The following PLCL1 variants were observed in gnomAD, a reference collection of about 807,000 sequenced individuals.
The protein encoded by PLCL1 is phospholipase C like 1 (inactive).
In PLCL1, 41 loss-of-function variants were observed where a neutral mutation model predicts 84.4. The ratio of observed to expected loss-of-function variants is 0.49; its 90% confidence interval spans 0.38 to 0.63. The LOEUF (loss-of-function observed/expected upper bound fraction) is 0.63. Among genes scored for constraint, PLCL1 ranks in the 30% least tolerant of loss-of-function variants. The pLI is 0.00. For synonymous variants in PLCL1, 490 were observed against 488.3 expected, an observed-to-expected ratio of 1.00 and a Z score of -0.05; for missense variants, 1,206 against 1,367.8, an observed-to-expected ratio of 0.88 and a Z score of 1.87.
chr2:197,884,933 A>T (rs1255537059), intron 1 of PLCL1, among the ~76,000 whole-genome samples: 1 of 152,070 alleles, frequency 6.6e-6, no homozygotes, highest in Non-Finnish European at 1.5e-5. Context: ...GCCCTCCAAC[A>T]GCTTCCCATT....
chr2:197,830,435 G>A lies in PLCL1; in HGVS notation c.240+25096G>A, dbSNP rs138283685. Among the ~76,000 whole-genome samples the A allele has an allele frequency of 5.3e-5, 8 of 151,776 alleles. No homozygotes were observed. The East Asian group carries it at 1.2e-3, about 22-fold the overall frequency. The stretch of plus-strand genomic sequence containing the variant: ...GAAAGGATATCAGAGATTGCAGATC[G>A]ACTTAACTAAATAAAGTGTGAAGAC... On this transcript the variant is annotated intron_variant, in intron 1 of 5. Coordinates refer to ENST00000428675, the MANE Select transcript of PLCL1 (RefSeq NM_006226.4).
At chr2:198,072,829 T>G (rs1024917359) in intron 1 of PLCL1, among the ~76,000 whole-genome samples, 1 of 152,154 alleles carries the variant, frequency 6.6e-6, no homozygotes, top group Non-Finnish European at 1.5e-5. Flanking sequence ...TAAATCTGAC[T>G]TTTTGAAGAA....
At chr2:198,001,949 C>A (rs1308199936) in intron 1 of PLCL1, 5 of 432,624 alleles carry the variant, frequency 1.2e-5, no homozygotes, top group Non-Finnish European at 2.3e-5. Context: ...CTATCACCCC[C>A]AGATGGGACT....
chr2:198,084,597 C>A lies in PLCL1; in HGVS notation c.1080C>A (p.Tyr360Ter). 6.2e-7 allele frequency: 1 copy of A among 1,613,760 alleles called. No individual in the cohort carries two copies. The highest frequency in any genetic ancestry group is 8.5e-7 in the Non-Finnish European group (1 of 1,179,674). Residue 360 changes from tyrosine (Y) to a stop codon, truncating the protein, a stop_gained, in exon 2 of 6, where the codon TAC (tyrosine) becomes TAA (stop). Transcript: ENST00000428675. LOFTEE classifies it high-confidence loss of function. ...EDICLDIIRR[Y>*]ELSEEGRQKG... ...TATGCTTAGACATCATAAGGAGATA[C>A]GAACTTTCTGAAGAGGGACGTCAAA...
chr2:197,881,640 C>G (rs780853006), intron 1 of PLCL1, among the ~76,000 whole-genome samples: 18 of 152,116 alleles, frequency 1.2e-4, no homozygotes, highest in Non-Finnish European at 1.6e-4. Flanking sequence ...GGATTTATAA[C>G]TGCTATGGCC....
intron 1 of PLCL1, among the ~76,000 whole-genome samples, chr2:197,851,374 TCAAG>T (rs1687232827): frequency 6.6e-6 from 1 of 152,212 alleles, no homozygotes; most frequent in African/African-American, 2.4e-5. Context: ...ACGTAGCTTA[TCAAG>T]TAATAATCAA....
At chr2:197,968,588 A>G (rs1689795764) in intron 1 of PLCL1, among the ~76,000 whole-genome samples, 1 of 152,216 alleles carries the variant, frequency 6.6e-6, no homozygotes, top group African/African-American at 2.4e-5. Flanking sequence ...CCAGTATACC[A>G]TGGTGCTAAC....
intron 5 of PLCL1, among the ~76,000 whole-genome samples, chr2:198,131,488 A>C (rs11884188): frequency 0.37 from 56,372 of 152,060 alleles, 10,851 homozygotes; most frequent in Middle Eastern, 0.52. Flanking sequence ...ATTAATAAAC[A>C]GTAGACATTT....
chr2:198,019,497 T>A (rs1025958811), intron 1 of PLCL1, among the ~76,000 whole-genome samples: 1 of 152,140 alleles, frequency 6.6e-6, no homozygotes, highest in Non-Finnish European at 1.5e-5. Flanking sequence ...GATAAAAGGT[T>A]AGAGGAATTG....
chr2:197,901,634 G>A (rs575578336), intron 1 of PLCL1, among the ~76,000 whole-genome samples: 1 of 152,218 alleles, frequency 6.6e-6, no homozygotes, highest in Non-Finnish European at 1.5e-5. Flanking sequence ...AACTGAGAGA[G>A]AGAGAGGAAG....
At chr2:198,137,684 C>A (rs1255206248) in intron 5 of PLCL1, among the ~76,000 whole-genome samples, 2 of 152,290 alleles carry the variant, frequency 1.3e-5, no homozygotes, top group East Asian at 3.9e-4. Flanking sequence ...TCTTGCAAAT[C>A]ATTGCTTTCT....
rs564932694 is a variant in PLCL1, at chr2:197,900,509, ATTTGAGTG to A, written c.240+95171_240+95178del. Among the ~76,000 whole-genome samples, 527 of 152,356 alleles carry A rather than the reference ATTTGAGTG, an allele frequency of 3.5e-3. 4 individuals carry two copies. The highest frequency in any genetic ancestry group is 0.012 in the African/African-American group (489 of 41,586). ...TCCAAGAGTATAAATATTCAGAAAC[ATTTGAGTG>A]CAGAAGATGCTGTGGGTCTCACCAA... On this transcript the variant is annotated intron_variant, in intron 1 of 5. Coordinates refer to ENST00000428675, the MANE Select transcript of PLCL1 (RefSeq NM_006226.4).
At chr2:198,111,937 A>G (rs181001939) in intron 5 of PLCL1, among the ~76,000 whole-genome samples, 5 of 152,050 alleles carry the variant, frequency 3.3e-5, no homozygotes, top group African/African-American at 9.6e-5. Flanking sequence ...GAATATTTCA[A>G]TCACCTTGAC....
At chr2:198,067,174 G>T (rs1193202493) in intron 1 of PLCL1, among the ~76,000 whole-genome samples, 1 of 149,010 alleles carries the variant, frequency 6.7e-6, no homozygotes, top group African/African-American at 2.5e-5. Flanking sequence ...TGTCACCCAG[G>T]CTGGAGAGAA....
intron 1 of PLCL1, among the ~76,000 whole-genome samples, chr2:198,017,788 T>C (rs1691033386): frequency 6.6e-6 from 1 of 152,242 alleles, no homozygotes; most frequent in Admixed American, 6.5e-5. Flanking sequence ...TCAGCAAGTT[T>C]ACATGTATTC....
At chr2:198,125,006 G>T (rs184842812) in intron 5 of PLCL1, among the ~76,000 whole-genome samples, 3 of 152,206 alleles carry the variant, frequency 2.0e-5, no homozygotes, top group East Asian at 1.9e-4. Context: ...GCCACATGTG[G>T]CTAGTGACTA....
In PLCL1 at chr2:198,084,108, C is replaced by G. The variant is rs754124133; in HGVS notation, c.591C>G (p.Asn197Lys). 2 of 1,614,150 alleles carry G rather than the reference C, an allele frequency of 1.2e-6. No individual in the cohort carries two copies. The highest frequency in any genetic ancestry group is 1.7e-6 in the Non-Finnish European group (2 of 1,179,994). Residue 197 changes from asparagine (N) to lysine (K), a missense_variant, in exon 2 of 6, where the codon AAC (asparagine) becomes AAG (lysine). Physicochemically the swap from Asn to Lys is moderately conservative, Grantham distance 94. Transcript: ENST00000428675. ...CCTTTTCCATACTCCACGGGGAAAACTATGAGTCTCTGGACCTAGTTGCCA... is the reference window on the plus strand; with the variant it reads ...CCTTTTCCATACTCCACGGGGAAAAGTATGAGTCTCTGGACCTAGTTGCCA... ...DCAFSILHGE[N>K]YESLDLVANS...
At chr2:197,820,992 C>T (rs1301350432) in intron 1 of PLCL1, among the ~76,000 whole-genome samples, 1 of 152,080 alleles carries the variant, frequency 6.6e-6, no homozygotes, top group Non-Finnish European at 1.5e-5. Flanking sequence ...TTGAAAATGG[C>T]TTAAGCATTT....
At chr2:197,973,754 G>T (rs965695395) in intron 1 of PLCL1, among the ~76,000 whole-genome samples, 3 of 152,206 alleles carry the variant, frequency 2.0e-5, no homozygotes, top group Non-Finnish European at 4.4e-5. Flanking sequence ...AGGGAGGTGG[G>T]CAGGCGTGAG....
Sources: allele counts gnomAD v4.1 joint callset (sites outside exome capture counted in the v4.1 genomes callset), GRCh38; gene constraint gnomAD v4.1.1; transcripts MANE v1.5; gene names NCBI Gene and HGNC (gene_info 2026-07-23, HGNC 2026-07-21).